Variants in METTL15 observed in about 807,000 individuals in gnomAD.
METTL15 encodes 12S rRNA N(4)-cytidine methyltransferase METTL15.
Under a neutral mutation model 38.3 loss-of-function variants are expected in METTL15, and 34 were observed. That is an observed-to-expected ratio of 0.89 (90% confidence interval 0.68 to 1.18). The LOEUF (loss-of-function observed/expected upper bound fraction) is 1.18. Ranked by LOEUF, METTL15 falls within the 50% of genes most tolerant of loss-of-function variation. The pLI is 0.00. For missense variants in METTL15, 438 were observed against 498.4 expected, an observed-to-expected ratio of 0.88 and a Z score of 1.15; for synonymous variants, 162 against 170.9, an observed-to-expected ratio of 0.95 and a Z score of 0.41.
chr11:28,143,593 A>C (rs896235138), intron 3 of METTL15, among the ~76,000 whole-genome samples: 1 of 152,164 alleles, frequency 6.6e-6, no homozygotes, highest in African/African-American at 2.4e-5. Flanking sequence ...TTGACAACAT[A>C]GGACCTTCCT....
rs766266051 is a variant in METTL15, at chr11:28,393,550, A to G, written c.*359-30749A>G. Among the ~76,000 whole-genome samples the G allele has an allele frequency of 4.6e-5, 7 of 152,120 alleles. No homozygotes were observed. In the South Asian group the frequency reaches 1.2e-3, roughly 27 times the overall value. On this transcript the variant is annotated intron_variant and NMD_transcript_variant, in intron 5 of 7. Coordinates refer to the METTL15 transcript ENST00000532947. ...GATCTAGCTTCAAAATGATAAAATG[A>G]CCCGTGGCTGGCAAACGGGGGCTGG...
chr11:28,391,009 C>G (rs1463458046), intron 5 of METTL15, among the ~76,000 whole-genome samples: 2 of 152,114 alleles, frequency 1.3e-5, no homozygotes, highest in Non-Finnish European at 2.9e-5. Context: ...TGGGAGTTCA[C>G]TCATGATTTG....
At chr11:28,248,388 G>A (rs1479965918) in intron 4 of METTL15, among the ~76,000 whole-genome samples, 3 of 152,002 alleles carry the variant, frequency 2.0e-5, no homozygotes, top group East Asian at 1.9e-4. Flanking sequence ...ATCTGTCTAC[G>A]ATCACCATTC....
chr11:28,165,144 T>C (rs1214017615), intron 3 of METTL15, among the ~76,000 whole-genome samples: 1 of 152,162 alleles, frequency 6.6e-6, no homozygotes, highest in Non-Finnish European at 1.5e-5. Context: ...AAAGCTGCAA[T>C]GAACATGGGA....
At position 28,458,647 on chromosome 11, in the gene METTL15, A is replaced by T. The variant is rs543679588; in HGVS notation, c.*424+34283A>T. Among the ~76,000 whole-genome samples, 3 of 152,292 alleles carry T rather than the reference A, an allele frequency of 2.0e-5. No individual in the cohort carries two copies. In the South Asian group the frequency reaches 6.2e-4, roughly 32 times the overall value. On this transcript the variant is annotated intron_variant and NMD_transcript_variant, in intron 6 of 7. Coordinates refer to the METTL15 transcript ENST00000532947. ...CAGAAACATGTGTCACCATGTGGAA[A>T]TCCTGGACTACTCTTCCACTTGGGT...
At chr11:28,431,790 TAAAAAAAAAAAAAAAAAGAAAA>T (rs1001002226) in intron 6 of METTL15, among the ~76,000 whole-genome samples, 3 of 71,496 alleles carry the variant, frequency 4.2e-5, no homozygotes, top group African/African-American at 2.1e-4. Flanking sequence ...AAAATAAATT[TAAAAAAAAAAAAAAAAAGAAAA>T]AAAAAAAAAA....
chr11:28,289,169 C>T (rs2133986678), intron 4 of METTL15, among the ~76,000 whole-genome samples: 1 of 152,234 alleles, frequency 6.6e-6, no homozygotes, highest in Non-Finnish European at 1.5e-5. Flanking sequence ...TGGCACCCAT[C>T]AGATTATTTT....
At chr11:28,266,393 G>A (rs1855420427) in intron 4 of METTL15, among the ~76,000 whole-genome samples, 1 of 152,116 alleles carries the variant, frequency 6.6e-6, no homozygotes, top group African/African-American at 2.4e-5. Context: ...AAAATGATGA[G>A]TTCATGTCCT....
At chr11:28,240,912 G>A (rs569283894) in intron 4 of METTL15, among the ~76,000 whole-genome samples, 30 of 152,096 alleles carry the variant, frequency 2.0e-4, no homozygotes, top group Non-Finnish European at 3.7e-4. Context: ...TTTTTAAAAA[G>A]CCAAGTGACT....
At chr11:28,145,154 T>G (rs987612075) in intron 3 of METTL15, 1 of 153,192 alleles carries the variant, frequency 6.5e-6, no homozygotes, top group Non-Finnish European at 1.5e-5. Flanking sequence ...GTCACAGCAG[T>G]GTTCACCAGC....
At chr11:28,476,053 T>G (rs1851343767) in intron 6 of METTL15, among the ~76,000 whole-genome samples, 1 of 152,188 alleles carries the variant, frequency 6.6e-6, no homozygotes, top group Non-Finnish European at 1.5e-5. Flanking sequence ...TCTGTTTGCT[T>G]CCGCAGAACC....
chr11:28,423,136 GATA>G (rs1266247221), intron 5 of METTL15, among the ~76,000 whole-genome samples: 2 of 152,008 alleles, frequency 1.3e-5, no homozygotes, highest in South Asian at 4.2e-4. Context: ...AAATCAAAAT[GATA>G]ATGACATCTC....
intron 3 of METTL15, among the ~76,000 whole-genome samples, chr11:28,195,955 T>C (rs1347949697): frequency 6.6e-6 from 1 of 152,022 alleles, no homozygotes; most frequent in Non-Finnish European, 1.5e-5. Context: ...TTGAATAGGG[T>C]GCCCCTTTCC....
chr11:28,168,188 C>T (rs181731509), intron 3 of METTL15, among the ~76,000 whole-genome samples: 155 of 151,954 alleles, frequency 1.0e-3, no homozygotes, highest in Non-Finnish European at 1.9e-3. Flanking sequence ...CTTCTATATT[C>T]AGGCATGGAT....
intron 3 of METTL15, among the ~76,000 whole-genome samples, chr11:28,165,331 T>C (rs1488297596): frequency 6.6e-6 from 1 of 152,112 alleles, no homozygotes; most frequent in Non-Finnish European, 1.5e-5. Flanking sequence ...TTCCACATCC[T>C]CGAAAACACT....
At chr11:28,381,209 G>T (rs1322796211) in intron 5 of METTL15, among the ~76,000 whole-genome samples, 3 of 152,032 alleles carry the variant, frequency 2.0e-5, no homozygotes, top group Non-Finnish European at 4.4e-5. Context: ...ATGCTGGCCA[G>T]GTTGGTCTTG....
intron 6 of METTL15, among the ~76,000 whole-genome samples, chr11:28,433,502 A>G (rs1387089859): frequency 6.6e-6 from 1 of 152,216 alleles, no homozygotes; most frequent in East Asian, 1.9e-4. Flanking sequence ...AAATGGGGAT[A>G]ATATCAGTTC....
Position 28,377,229 on chromosome 11 carries a change from C to T in METTL15, c.*358+15193C>T, listed in dbSNP as rs528980058. ...CCTGCCTTGCTAGATTGGGGAAGTT[C>T]TCCTGGATAATATCCTGCAGAGTGT... On this transcript the variant is annotated intron_variant and NMD_transcript_variant, in intron 5 of 7. Coordinates refer to the METTL15 transcript ENST00000532947. 9.1e-4 allele frequency among the ~76,000 whole-genome samples: 136 copies of T among 149,744 alleles called. 1 individual carries two copies. Among genetic ancestry groups the T allele is most frequent in the African/African-American group, 3.2e-3 (132 of 41,018 alleles).
intron 3 of METTL15, among the ~76,000 whole-genome samples, chr11:28,175,605 T>C (rs1371896134): frequency 6.6e-6 from 1 of 152,174 alleles, no homozygotes; most frequent in African/African-American, 2.4e-5. Flanking sequence ...TTATTAACTT[T>C]CTTAAACCTG....
Sources: allele counts gnomAD v4.1 joint callset (sites outside exome capture counted in the v4.1 genomes callset), GRCh38; gene constraint gnomAD v4.1.1; transcripts MANE v1.5; gene names NCBI Gene and HGNC (gene_info 2026-07-23, HGNC 2026-07-21).